NDE1: variants seen among roughly 807,000 people sequenced by gnomAD.
The protein encoded by NDE1 is nuclear distribution protein nudE homolog 1.
Under a neutral mutation model 43.4 loss-of-function variants are expected in NDE1, and 28 were observed. That is an observed-to-expected ratio of 0.65 (90% CI 0.48 to 0.89). The LOEUF is 0.89. Ranked by LOEUF, NDE1 falls within the 40% of genes least tolerant of loss-of-function variation. The pLI is 0.00. For missense variants in NDE1, 441 were observed against 434.1 expected, an observed-to-expected ratio of 1.02 and a Z score of -0.14; for synonymous variants, 184 against 172.0, an observed-to-expected ratio of 1.07 and a Z score of -0.55.
intron 4 of NDE1, among the ~76,000 whole-genome samples, chr16:15,683,628 T>C (rs2038292582): frequency 6.6e-6 from 1 of 152,152 alleles, no homozygotes; most frequent in African/African-American, 2.4e-5. Context: ...TTACAGGCAC[T>C]AAATATGCTT....
At chr16:15,697,912 T>A (rs767539117) in intron 8 of NDE1, among the ~76,000 whole-genome samples, 15 of 150,004 alleles carry the variant, frequency 1.0e-4, no homozygotes, top group Non-Finnish European at 1.5e-4. Context: ...GTCCAAGCAA[T>A]TCTCCTGCCT....
intron 8 of NDE1, chr16:15,701,985 G>T (rs2039235839): frequency 6.6e-6 from 1 of 152,148 alleles, no homozygotes; most frequent in Non-Finnish European, 1.5e-5. Flanking sequence ...CCACAGAGTG[G>T]TGAAAAACTT....
intron 1 of NDE1, among the ~76,000 whole-genome samples, chr16:15,654,087 G>C (rs1317605657): frequency 6.6e-6 from 1 of 152,020 alleles, no homozygotes; most frequent in Non-Finnish European, 1.5e-5. Context: ...GATACTTTTT[G>C]TACCACTGGG....
chr16:15,725,178 T>C lies in NDE1; in HGVS notation c.*927T>C, dbSNP rs959565176. 1.1e-5 allele frequency: 7 copies of C among 633,294 alleles called. No homozygotes were observed. The highest frequency in any genetic ancestry group is 1.9e-5 in the African/African-American group (1 of 54,024). The allele number at this position is 633,294 out of a possible 1,614,324, so 39.2% of individuals were successfully genotyped here. A position where few individuals can be genotyped will look rare whatever the true frequency, so the allele number is the denominator to read the frequency against. On this transcript the variant is annotated 3_prime_UTR_variant, in exon 9 of 9. Transcript: ENST00000396354. ...ACACACACACAAAAAAAACAGAATC[T>C]GTGGCTTGAAGGGAACTCCGTCACC...
At chr16:15,675,505 T>C (rs1275600768) in intron 3 of NDE1, among the ~76,000 whole-genome samples, 1 of 151,240 alleles carries the variant, frequency 6.6e-6, no homozygotes, top group Non-Finnish European at 1.5e-5. Flanking sequence ...GGCGTGATCA[T>C]AGCTCACTGC....
In NDE1 at chr16:15,724,632, AC is replaced by A. The variant is rs772097807; in HGVS notation, c.*382del. 6 of 1,613,646 alleles carry A rather than the reference AC, an allele frequency of 3.7e-6. No homozygotes were observed. In the East Asian group the frequency reaches 1.1e-4, roughly 30 times the overall value. On this transcript the variant is annotated 3_prime_UTR_variant, in exon 9 of 9. Coordinates refer to ENST00000396354, the MANE Select transcript of NDE1 (RefSeq NM_017668.3). Reference sequence around the variant, plus strand: ...GAGAGGACCCATGAAGGAAGCAAGGACACGGGGCAGGCACCTGGATGTTGAG... The same window carrying A: ...GAGAGGACCCATGAAGGAAGCAAGGAACGGGGCAGGCACCTGGATGTTGAG...
At chr16:15,702,125 G>GTCCTT (rs2039240301) in intron 8 of NDE1, 1 of 152,194 alleles carries the variant, frequency 6.6e-6, no homozygotes. Context: ...ACAAGATGGA[G>GTCCTT]TCCTTTGTTT....
At chr16:15,684,831 T>A (rs75650571) in intron 4 of NDE1, among the ~76,000 whole-genome samples, 4,153 of 152,320 alleles carry the variant, frequency 0.027, 90 homozygotes, top group Non-Finnish European at 0.041. Flanking sequence ...TGTCTATTTC[T>A]GGACCTTTGG....
At chr16:15,685,263 T>A (rs1227588822) in intron 4 of NDE1, among the ~76,000 whole-genome samples, 2 of 152,172 alleles carry the variant, frequency 1.3e-5, no homozygotes, top group Non-Finnish European at 2.9e-5. Flanking sequence ...GTTTTTTGTT[T>A]TTGTTTTTCG....
At chr16:15,702,716 G>A (rs921357176) in intron 8 of NDE1, among the ~76,000 whole-genome samples, 7 of 152,018 alleles carry the variant, frequency 4.6e-5, no homozygotes, top group African/African-American at 1.7e-4. Flanking sequence ...ACCATCTGAC[G>A]TTTTGTGGAA....
At chr16:15,652,726 C>A (rs761536029) in intron 1 of NDE1, among the ~76,000 whole-genome samples, 6 of 152,114 alleles carry the variant, frequency 3.9e-5, no homozygotes. Flanking sequence ...CACAGTGATG[C>A]AATCACAGCT....
intron 8 of NDE1, among the ~76,000 whole-genome samples, chr16:15,706,406 T>A (rs186909746): frequency 6.7e-6 from 1 of 149,676 alleles, no homozygotes; most frequent in East Asian, 1.9e-4. Flanking sequence ...TAACTCCAGG[T>A]TCAAACCCTG....
At chr16:15,655,486 C>T (rs2036715938) in intron 1 of NDE1, among the ~76,000 whole-genome samples, 1 of 152,178 alleles carries the variant, frequency 6.6e-6, no homozygotes. Context: ...AAATCTTATA[C>T]TTTTAAGGAT....
chr16:15,725,251 T>C lies in NDE1; in HGVS notation c.*1000T>C, dbSNP rs2040697947. 2 of 596,406 alleles carry C rather than the reference T, an allele frequency of 3.4e-6. No individual in the cohort carries two copies. The highest frequency in any genetic ancestry group is 3.0e-5 in the Admixed American group (1 of 33,602). The allele number at this position is 596,406 out of a possible 1,614,324, so 36.9% of individuals were successfully genotyped here. A position where few individuals can be genotyped will look rare whatever the true frequency, so the allele number is the denominator to read the frequency against. ...AGACTCTGTGGTTCTAAGAACTTAT[T>C]TGAGCCCCAATGGTATTGACTGGGA... On this transcript the variant is annotated 3_prime_UTR_variant, in exon 9 of 9. Coordinates refer to ENST00000396354, the MANE Select transcript of NDE1 (RefSeq NM_017668.3).
intron 8 of NDE1, among the ~76,000 whole-genome samples, chr16:15,700,653 G>A (rs2039190768): frequency 6.6e-6 from 1 of 151,408 alleles, no homozygotes; most frequent in Admixed American, 6.6e-5. Flanking sequence ...GTTTCACCAT[G>A]TTGGCCATGC....
chr16:15,662,197 C>G (rs1448964414), intron 1 of NDE1, among the ~76,000 whole-genome samples: 1 of 151,968 alleles, frequency 6.6e-6, no homozygotes, highest in Admixed American at 6.6e-5. Flanking sequence ...CCTTGGCCTC[C>G]CATAGTGCTG....
intron 1 of NDE1, among the ~76,000 whole-genome samples, chr16:15,662,225 C>T (rs185843795): frequency 1.3e-5 from 2 of 151,904 alleles, no homozygotes; most frequent in Admixed American, 1.3e-4. Context: ...ACGTGTGAGC[C>T]ACTGTACCTG....
chr16:15,720,976 C>T (rs2040440320), intron 8 of NDE1: 1 of 1,614,018 alleles, frequency 6.2e-7, no homozygotes, highest in Non-Finnish European at 8.5e-7. Context: ...AGCTCGTCCT[C>T]CAGCTCTTCC....
intron 8 of NDE1, chr16:15,714,831 A>C: frequency 6.4e-7 from 1 of 1,562,682 alleles, no homozygotes; most frequent in South Asian, 1.1e-5. Context: ...GGGCATTTGC[A>C]GGCCGAAAGG....
Sources: allele counts gnomAD v4.1 joint callset (sites outside exome capture counted in the v4.1 genomes callset), GRCh38; gene constraint gnomAD v4.1.1; transcripts MANE v1.5; gene names NCBI Gene and HGNC (gene_info 2026-07-23, HGNC 2026-07-21).